Variants in CELSR1 observed in about 807,000 individuals in gnomAD.
The protein encoded by CELSR1 is cadherin EGF LAG seven-pass G-type receptor 1, also known as adhesion G protein-coupled receptor C1.
Under a neutral mutation model 249.1 loss-of-function variants are expected in CELSR1, and 110 were observed. The observed-to-expected ratio is 0.44, with a 90% CI of 0.38 to 0.52. The LOEUF (loss-of-function observed/expected upper bound fraction) is 0.52. Among genes scored for constraint, CELSR1 ranks in the 20% least tolerant of loss-of-function variants. The pLI, the probability that CELSR1 is intolerant of heterozygous loss-of-function variation, is 0.00. For synonymous variants in CELSR1, 2,113 were observed against 1,900.0 expected (o/e 1.11, Z -2.92); for missense variants, 4,109 against 4,296.4 (o/e 0.96, Z 1.22).
At position 46,446,649 on chromosome 22, in the gene CELSR1, G is replaced by C. The variant is rs2079824731; in HGVS notation, c.4184-7238C>G. On this transcript the variant is annotated intron_variant, in intron 2 of 34. Coordinates refer to ENST00000674500, the MANE Select transcript of CELSR1 (RefSeq NM_001378328.1). The surrounding 1 kb of genome is among the most constrained non-coding windows in gnomAD (Gnocchi z 5.5). Reference sequence around the variant, plus strand: ...GCTGGGTCCATAGCAGGTACTGACAGACACTTGTGAAATGAAGTCAAAAAA... The same window carrying C: ...GCTGGGTCCATAGCAGGTACTGACACACACTTGTGAAATGAAGTCAAAAAA... Among the ~76,000 whole-genome samples, 2 of 152,118 alleles carry C rather than the reference G, an allele frequency of 1.3e-5. No homozygotes were observed. Among genetic ancestry groups the C allele is most frequent in the Non-Finnish European group, 2.9e-5 (2 of 68,024 alleles).
Position 46,391,198 on chromosome 22 carries a change from T to C in CELSR1, c.6238A>G (p.Lys2080Glu), listed in dbSNP as rs758127031. 5 of 1,613,020 alleles carry C rather than the reference T, an allele frequency of 3.1e-6. No individual in the cohort carries two copies. In the Admixed American group the frequency reaches 8.3e-5, roughly 27 times the overall value. Residue 2080 changes from lysine to glutamate, a missense_variant, in exon 16 of 35, where the codon AAG (lysine) becomes GAG (glutamate). Transcript: ENST00000674500. This position sits in a 1 kb window ranked among gnomAD's most constrained non-coding sequence, Gnocchi z 4.3. The part of the protein sequence containing the change: ...FGQPAAVPCP[K>E]GSVGNAVRHC... ...CACGGCGACTCACCAACGGATCCCT[T>C]AGGGCATGGCACCGCAGCCGGCTGC...
In CELSR1 at chr22:46,366,436, C is replaced by A; in HGVS notation, c.8250G>T (p.Met2750Ile). The A allele has an allele frequency of 1.9e-6, 3 of 1,550,314 alleles. No homozygotes were observed. Among genetic ancestry groups the A allele is most frequent in the African/African-American group, 1.4e-5 (1 of 73,030 alleles). The change falls in exon 30 of 35, where the codon ATG (methionine) becomes ATT (isoleucine). Residue 2750 changes from methionine to isoleucine, a missense_variant. Met to Ile is a conservative substitution (Grantham distance 10). Around this residue, in one of 7 missense-constraint regions of CELSR1, gnomAD observed 1,805 missense variants for 1,831.6 expected, o/e 0.99. Coordinates refer to ENST00000674500, the MANE Select transcript of CELSR1 (RefSeq NM_001378328.1). Reference protein sequence around the residue: ...CNTTFGDGPDMLRTDLGESTA... With the variant: ...CNTTFGDGPDILRTDLGESTA... ...TGGACTCGCCCAAGTCTGTGCGCAG[C>A]ATGTCAGGCCCGTCACCGAAGGTGG...
At position 46,389,477 on chromosome 22, in the gene CELSR1, T is replaced by C. The variant is rs1341779994; in HGVS notation, c.6368A>G (p.Glu2123Gly). 6.2e-7 allele frequency: 1 copy of C among 1,613,348 alleles called. No homozygotes were observed. The highest frequency in any genetic ancestry group is 1.7e-5 in the Admixed American group (1 of 60,028). ...RAMNEKLSRN[E>G]TQVDGARALQ... ...GGCCCTGGCGCCGTCCACCTGCGTC[T>C]CATTGCGGCTCAGCTTCTCATTCTG... The change falls in exon 18 of 35, where the codon GAG (glutamate) becomes GGG (glycine). Residue 2123 changes from glutamate (E) to glycine (G), a missense_variant. Transcript: ENST00000674500.
In CELSR1 at chr22:46,411,500, C is replaced by T; in HGVS notation, c.4769+102G>A. 7.2e-7 allele frequency: 1 copy of T among 1,386,342 alleles called. No homozygotes were observed. The highest frequency in any genetic ancestry group is 9.8e-7 in the Non-Finnish European group (1 of 1,018,132). The allele number at this position is 1,386,342 out of a possible 1,614,324, so 85.9% of individuals were successfully genotyped here. A position where few individuals can be genotyped will look rare whatever the true frequency, so the allele number is the denominator to read the frequency against. On this transcript the variant is annotated intron_variant, in intron 6 of 34. Transcript: ENST00000674500. This position sits in a 1 kb window ranked among gnomAD's most constrained non-coding sequence, Gnocchi z 4.2. Reference sequence around the variant, plus strand: ...AGCCTGGAATGAGGTCGCCAGGGCACTGCACCCAGAGTGCCTACGTGGGGC... The same window carrying T: ...AGCCTGGAATGAGGTCGCCAGGGCATTGCACCCAGAGTGCCTACGTGGGGC...
chr22:46,380,168 C>G lies in CELSR1; in HGVS notation c.7256+620G>C. 6.6e-6 allele frequency among the ~76,000 whole-genome samples: 1 copy of G among 152,310 alleles called. No individual in the cohort carries two copies. Among genetic ancestry groups the G allele is most frequent in the East Asian group, 1.9e-4 (1 of 5,180 alleles). On this transcript the variant is annotated intron_variant, in intron 22 of 34. Coordinates refer to ENST00000674500, the MANE Select transcript of CELSR1 (RefSeq NM_001378328.1). The surrounding 1 kb of genome is among the most constrained non-coding windows in gnomAD (Gnocchi z 5.1). Reference sequence around the variant, plus strand: ...AATCACTCATTTTGCATTTTTCTAACGACGAAACGCCTTTCCCTCGCTTGC... The same window carrying G: ...AATCACTCATTTTGCATTTTTCTAAGGACGAAACGCCTTTCCCTCGCTTGC...
Position 46,473,603 on chromosome 22 carries a change from C to A in CELSR1, c.3545-9258G>T, listed in dbSNP as rs776353588. On this transcript the variant is annotated intron_variant, in intron 1 of 34. Transcript: ENST00000674500. This position sits in a 1 kb window ranked among gnomAD's most constrained non-coding sequence, Gnocchi z 6.6. ...GGCCTGGTTAGGGCAGCCCATGATG[C>A]CCTCGGGGTCCAGAGTCATTCCCCG... Among the ~76,000 whole-genome samples, 2 of 152,204 alleles carry A rather than the reference C, an allele frequency of 1.3e-5. No homozygotes were observed. The highest frequency in any genetic ancestry group is 2.9e-5 in the Non-Finnish European group (2 of 68,036).
intron 19 of CELSR1, among the ~76,000 whole-genome samples, chr22:46,384,950 C>T (rs2079017058): frequency 6.6e-6 from 1 of 151,992 alleles, no homozygotes; most frequent in Non-Finnish European, 1.5e-5. Context: ...ACCACCACGC[C>T]TGGCTAATTT....
chr22:46,378,831 A>G, intron 22 of CELSR1, 114 bp from the exon 23 acceptor site: 1 of 1,352,476 alleles, frequency 7.4e-7, no homozygotes, highest in Non-Finnish European at 1.0e-6. Context: ...GGCCAAACCA[A>G]ACAGCAGGTG....
intron 13 of CELSR1, 65 bp from the exon 14 acceptor site, chr22:46,394,327 G>C: frequency 1.3e-6 from 2 of 1,546,658 alleles, no homozygotes; most frequent in Non-Finnish European, 1.7e-6. Context: ...ATGAGAAGAG[G>C]CCTGCAGGCA....
At chr22:46,443,274 G>A (rs1170860350) in intron 2 of CELSR1, among the ~76,000 whole-genome samples, 1 of 152,208 alleles carries the variant, frequency 6.6e-6, no homozygotes, top group Non-Finnish European at 1.5e-5. Flanking sequence ...CAGAGCTGAC[G>A]CCGGGTCAGA....
chr22:46,480,964 C>T (rs921506109), intron 1 of CELSR1, among the ~76,000 whole-genome samples: 5 of 152,070 alleles, frequency 3.3e-5, no homozygotes, highest in Non-Finnish European at 7.4e-5. Context: ...CGGCCGGGTC[C>T]GGTGGCTCAC....
Position 46,364,051 on chromosome 22 carries a change from C to G in CELSR1, c.8980G>C (p.Gly2994Arg). 1 of 1,612,062 alleles carries G rather than the reference C, an allele frequency of 6.2e-7. No individual in the cohort carries two copies. The highest frequency in any genetic ancestry group is 8.5e-7 in the Non-Finnish European group (1 of 1,179,586). The change falls in exon 34 of 35, where the codon GGG (glycine) becomes CGG (arginine). Residue 2994 changes from glycine to arginine, a missense_variant. Around this residue, in one of 7 missense-constraint regions of CELSR1, gnomAD observed 1,805 missense variants for 1,831.6 expected, o/e 0.99. Transcript: ENST00000674500. ...CCAGTGCGCACATTCATGGCCACCC[C>G]GTTGAGGTGGTCACGCCCCGGCTCC... is the stretch of plus-strand genomic sequence containing the variant. ...GREPGRDHLN[G>R]VAMNVRTGSA...
At position 46,518,157 on chromosome 22, in the gene CELSR1, A is replaced by C. The variant is rs2080647892; in HGVS notation, c.3544+15470T>G. On this transcript the variant is annotated intron_variant, in intron 1 of 34. Coordinates refer to ENST00000674500, the MANE Select transcript of CELSR1 (RefSeq NM_001378328.1). This position sits in a 1 kb window ranked among gnomAD's most constrained non-coding sequence, Gnocchi z 5.2. ...TGACCTCAGGTGATGTGATCCATCC[A>C]TCTCGACCTCCCAAAGTGCTGTGAT... Among the ~76,000 whole-genome samples, 10 of 152,106 alleles carry C rather than the reference A, an allele frequency of 6.6e-5. No homozygotes were observed. The highest frequency in any genetic ancestry group is 4.6e-4 in the Admixed American group (7 of 15,266).
At position 46,448,282 on chromosome 22, in the gene CELSR1, T is replaced by A. The variant is rs2079843509; in HGVS notation, c.4184-8871A>T. On this transcript the variant is annotated intron_variant, in intron 2 of 34. Coordinates refer to ENST00000674500, the MANE Select transcript of CELSR1 (RefSeq NM_001378328.1). This position sits in a 1 kb window ranked among gnomAD's most constrained non-coding sequence, Gnocchi z 5.7. ...ACAAGCCCAGGGAAGACAGAGGGCA[T>A]GGGGGTGGGGGCAGAGGGCCCACGC... is the stretch of plus-strand genomic sequence containing the variant. Among the ~76,000 whole-genome samples, 1 of 150,928 alleles carries A rather than the reference T, an allele frequency of 6.6e-6. No individual in the cohort carries two copies. Among genetic ancestry groups the A allele is most frequent in the Admixed American group, 6.6e-5 (1 of 15,146 alleles).
At chr22:46,424,207 T>G (rs140047) in intron 5 of CELSR1, among the ~76,000 whole-genome samples, 1 of 151,440 alleles carries the variant, frequency 6.6e-6, no homozygotes, top group Non-Finnish European at 1.5e-5. Context: ...GCTGGGACCA[T>G]AGGCACATGC....
rs2079279290 is a variant in CELSR1, at chr22:46,407,515, C to T, written c.5226+1481G>A. ...GGTGTGGTGGTGAGCTCCTGTAATC[C>T]CAACTACAATGGAGGCTGAGGCAGG... On this transcript the variant is annotated intron_variant, in intron 9 of 34. Transcript: ENST00000674500. This position sits in a 1 kb window ranked among gnomAD's most constrained non-coding sequence, Gnocchi z 4.8. Among the ~76,000 whole-genome samples, 1 of 152,006 alleles carries T rather than the reference C, an allele frequency of 6.6e-6. No individual in the cohort carries two copies. Among genetic ancestry groups the T allele is most frequent in the Non-Finnish European group, 1.5e-5 (1 of 67,982 alleles).
Position 46,410,569 on chromosome 22 carries a change from G to A in CELSR1, c.4770-8C>T. The A allele has an allele frequency of 6.2e-7, 1 of 1,610,756 alleles. No individual in the cohort carries two copies. The highest frequency in any genetic ancestry group is 8.5e-7 in the Non-Finnish European group (1 of 1,177,510). Reference sequence around the variant, plus strand: ...CCGGTCAGATCCAGGGACCTGGGTAGGTAAAGCCATCTTCTGTGACGTCAG... The same window carrying A: ...CCGGTCAGATCCAGGGACCTGGGTAAGTAAAGCCATCTTCTGTGACGTCAG... On this transcript the variant is annotated splice_region_variant and splice_polypyrimidine_tract_variant and intron_variant, in intron 6 of 34. Transcript: ENST00000674500. The surrounding 1 kb of genome is among the most constrained non-coding windows in gnomAD (Gnocchi z 6.8).
Position 46,380,948 on chromosome 22 carries a change from G to A in CELSR1, c.7096C>T (p.His2366Tyr). 6.2e-7 allele frequency: 1 copy of A among 1,611,828 alleles called. No individual in the cohort carries two copies. Among genetic ancestry groups the A allele is most frequent in the South Asian group, 1.1e-5 (1 of 91,022 alleles). Residue 2366 changes from histidine to tyrosine, a missense_variant, in exon 22 of 35, where the codon CAC becomes TAC. Physicochemically the swap from His to Tyr is moderately conservative, Grantham distance 83. Coordinates refer to ENST00000674500, the MANE Select transcript of CELSR1 (RefSeq NM_001378328.1). The surrounding 1 kb of genome is among the most constrained non-coding windows in gnomAD (Gnocchi z 5.1). ...ATCGGGGTATTAATGATGGGCCGGTGAGGCAACCTGAGGTCAAGAAGCCAG... is the reference window on the plus strand; with the variant it reads ...ATCGGGGTATTAATGATGGGCCGGTAAGGCAACCTGAGGTCAAGAAGCCAG... ...DPDRRSLRLPHRPIINTPMVS... is the reference protein window; with the variant it reads ...DPDRRSLRLPYRPIINTPMVS...
intron 5 of CELSR1, among the ~76,000 whole-genome samples, chr22:46,426,309 A>C (rs1260049293): frequency 1.3e-5 from 2 of 152,232 alleles, no homozygotes; most frequent in East Asian, 3.8e-4. Context: ...AATGACCTCT[A>C]ACTCTGCTTG....
Sources: gnomAD v4.1 joint callset for allele counts (sites outside exome capture counted in the v4.1 genomes callset) on GRCh38, gnomAD v4.1.1 for gene constraint, gnomAD v4.1.1 regional missense constraint, Gnocchi (gnomAD v3.1) non-coding constraint, MANE v1.5 for transcripts, NCBI Gene and HGNC (gene_info 2026-07-23, HGNC 2026-07-21) for gene names.